The following PHLDB2 variants were observed in gnomAD, a reference collection of about 807,000 sequenced individuals.
PHLDB2 encodes pleckstrin homology like domain family B member 2.
Under a neutral mutation model 123.6 loss-of-function variants are expected in PHLDB2, and 71 were observed. The ratio of observed to expected loss-of-function variants is 0.57; its 90% CI spans 0.47 to 0.70. The LOEUF is 0.70. PHLDB2 is among the 30% of genes least tolerant of loss of function. The pLI is 0.00. For missense variants in PHLDB2, 1,446 were observed against 1,519.5 expected, an observed-to-expected ratio of 0.95 and a Z score of 0.80; for synonymous variants, 547 against 541.6, an observed-to-expected ratio of 1.01 and a Z score of -0.14.
chr3:111,941,809 A>AAAAAAAACAAAAC (rs111829861), intron 8 of PHLDB2, among the ~76,000 whole-genome samples: 1 of 150,616 alleles, frequency 6.6e-6, no homozygotes, highest in Non-Finnish European at 1.5e-5. Flanking sequence ...CCTGTCTCAA[A>AAAAAAAACAAAAC]AAAACAAAAC....
intron 1 of PHLDB2, among the ~76,000 whole-genome samples, chr3:111,810,977 G>A (rs185540219): frequency 6.6e-6 from 1 of 152,308 alleles, no homozygotes. Context: ...TCAAAGAGCT[G>A]TCATCCTAGG....
At chr3:111,789,750 C>A (rs2060834566) in intron 1 of PHLDB2, among the ~76,000 whole-genome samples, 1 of 151,806 alleles carries the variant, frequency 6.6e-6, no homozygotes, top group Non-Finnish European at 1.5e-5. Flanking sequence ...AAACAGCGAC[C>A]AACAAATAGC....
At chr3:111,792,438 G>C (rs571199240) in intron 1 of PHLDB2, among the ~76,000 whole-genome samples, 2 of 152,144 alleles carry the variant, frequency 1.3e-5, no homozygotes, top group Non-Finnish European at 2.9e-5. Context: ...AGGCATGGTG[G>C]CTCATGTCTT....
chr3:111,798,712 T>TAAAATAAA (rs60755857), intron 1 of PHLDB2, among the ~76,000 whole-genome samples: 1 of 151,532 alleles, frequency 6.6e-6, no homozygotes, highest in Admixed American at 6.6e-5. Flanking sequence ...TAAAATAAAA[T>TAAAATAAA]GTTATTTTAT....
chr3:111,785,778 A>G (rs1418174814), intron 1 of PHLDB2, among the ~76,000 whole-genome samples: 2 of 152,154 alleles, frequency 1.3e-5, no homozygotes, highest in African/African-American at 4.8e-5. Context: ...CTAAAATTCA[A>G]TTAGGACATT....
At chr3:111,856,585 C>G (rs1410312470), upstream of PHLDB2, among the ~76,000 whole-genome samples, 1 of 152,164 alleles carries the variant, frequency 6.6e-6, no homozygotes, top group East Asian at 1.9e-4. Flanking sequence ...TATGGCCATT[C>G]TAAATGTGCT....
intron 1 of PHLDB2, among the ~76,000 whole-genome samples, chr3:111,757,476 A>G (rs140294958): frequency 0.021 from 3,206 of 152,258 alleles, 48 homozygotes; most frequent in Non-Finnish European, 0.034. Context: ...ACATTTGTCT[A>G]AATTTTTTTC....
intron 2 of PHLDB2, among the ~76,000 whole-genome samples, chr3:111,892,741 G>A (rs1407652564): frequency 2.0e-5 from 3 of 152,210 alleles, no homozygotes; most frequent in Middle Eastern, 3.4e-3. Context: ...CTCCAAGGTC[G>A]TACAAAAACC....
In PHLDB2 at chr3:111,969,860, AC is replaced by A; in HGVS notation, c.3487del (p.Arg1163ValfsTer23). The part of the protein sequence containing the change: ...MGGKIKTWKK[R>X]WFVFDRNKRT... ...GTGGGAAAATTAAAACGTGGAAAAA[AC>A]GTTGGTTTGTTTTTGATCGGAACAA... On this transcript the variant is annotated frameshift_variant, in exon 16 of 18. Coordinates refer to ENST00000431670, the MANE Select transcript of PHLDB2 (RefSeq NM_001134438.2). LOFTEE classifies it high-confidence loss of function. 1 of 1,614,062 alleles carries A rather than the reference AC, an allele frequency of 6.2e-7. No individual in the cohort carries two copies. The highest frequency in any genetic ancestry group is 1.1e-5 in the South Asian group (1 of 91,086).
intron 16 of PHLDB2, among the ~76,000 whole-genome samples, chr3:111,972,998 A>G (rs2072309391): frequency 6.6e-6 from 1 of 152,158 alleles, no homozygotes; most frequent in Non-Finnish European, 1.5e-5. Flanking sequence ...CTGCCTCCTC[A>G]TTCATGCTTT....
At chr3:111,974,399 T>G in intron 17 of PHLDB2, 24 bp from the exon 18 acceptor site, 2 of 1,566,230 alleles carry the variant, frequency 1.3e-6, no homozygotes, top group Non-Finnish European at 1.7e-6. Context: ...TATTTTACAT[T>G]CTTTTTCCTT....
At chr3:111,749,277 C>T (rs900735070) in intron 1 of PHLDB2, among the ~76,000 whole-genome samples, 19 of 151,968 alleles carry the variant, frequency 1.3e-4, no homozygotes, top group African/African-American at 4.4e-4. Context: ...CACTGAATTG[C>T]TTAACTCAAG....
At chr3:111,831,495 T>A (rs1300451139) in intron 1 of PHLDB2, among the ~76,000 whole-genome samples, 4 of 152,182 alleles carry the variant, frequency 2.6e-5, no homozygotes, top group Non-Finnish European at 2.9e-5. Context: ...TAAACCCATC[T>A]GGAGAAGCAA....
intron 2 of PHLDB2, among the ~76,000 whole-genome samples, chr3:111,910,056 A>G (rs2067795208): frequency 6.6e-6 from 1 of 152,180 alleles, no homozygotes; most frequent in Non-Finnish European, 1.5e-5. Context: ...GTGAATCTGC[A>G]GTGGGAACAA....
chr3:111,974,697 TCAAGA>T lies in PHLDB2; in HGVS notation c.*139_*143del. The T allele has an allele frequency of 2.3e-6, 2 of 872,270 alleles. No individual in the cohort carries two copies. The allele number at this position is 872,270 out of a possible 1,614,324, so 54.0% of individuals were successfully genotyped here. ...GTAAACACTCAGAACTCCTTTCATA[TCAAGA>T]CAAGTTATTTGTAAAAAATAAAGAA... is the stretch of plus-strand genomic sequence containing the variant. On this transcript the variant is annotated 3_prime_UTR_variant, in exon 18 of 18. Transcript: ENST00000431670.
chr3:111,840,157 C>T (rs923251008), intron 1 of PHLDB2, among the ~76,000 whole-genome samples: 2 of 151,646 alleles, frequency 1.3e-5, no homozygotes, highest in Admixed American at 6.6e-5. Flanking sequence ...AAGACTGAGG[C>T]AGAAGAATTG....
intron 2 of PHLDB2, among the ~76,000 whole-genome samples, chr3:111,903,776 T>C (rs2107459505): frequency 6.6e-6 from 1 of 152,284 alleles, no homozygotes; most frequent in South Asian, 2.1e-4. Flanking sequence ...CTATCACATG[T>C]TCGCACACAC....
At chr3:111,808,374 G>A (rs1340555911) in intron 1 of PHLDB2, among the ~76,000 whole-genome samples, 2 of 152,098 alleles carry the variant, frequency 1.3e-5, no homozygotes, top group East Asian at 3.9e-4. Context: ...GGCTTTGCAT[G>A]AATGACATTA....
chr3:111,945,148 G>A, intron 8 of PHLDB2, 120 bp from the exon 9 acceptor site: 2 of 704,792 alleles, frequency 2.8e-6, no homozygotes, highest in East Asian at 2.7e-5. Context: ...TATGATGAGA[G>A]GAAATAGAAA....
Sources: allele counts gnomAD v4.1 joint callset (sites outside exome capture counted in the v4.1 genomes callset), GRCh38; gene constraint gnomAD v4.1.1; transcripts MANE v1.5; gene names NCBI Gene and HGNC (gene_info 2026-07-23, HGNC 2026-07-21).